SLC25A14: variants seen among roughly 807,000 people sequenced by gnomAD.
SLC25A14 encodes solute carrier family 25 member 14.
In SLC25A14, 8 loss-of-function variants were observed where a neutral mutation model predicts 28.1. The observed-to-expected ratio is 0.28, with a 90% CI of 0.17 to 0.51. The LOEUF is 0.51. Among genes scored for constraint, SLC25A14 ranks in the 20% least tolerant of loss-of-function variants. The probability of loss-of-function intolerance (pLI) is 0.97; values close to 1 mark genes in which losing one functional copy is unlikely to be tolerated. For missense variants in SLC25A14, 135 were observed against 263.8 expected (o/e 0.51, Z 3.38); for synonymous variants, 74 against 90.6 (o/e 0.82, Z 1.04).
Position 130,346,592 on chromosome X carries a change from A to G in SLC25A14, c.218A>G (p.Gln73Arg). Reference protein sequence around the residue: ...LTKTRLQVQGQSIDARFKEIK... With the variant: ...LTKTRLQVQGRSIDARFKEIK... ...AAAACACGACTTCAGGTTCAAGGCCAAAGCATTGATGCCCGTTTCAAAGAG... is the reference window on the plus strand; with the variant it reads ...AAAACACGACTTCAGGTTCAAGGCCGAAGCATTGATGCCCGTTTCAAAGAG... The change falls in exon 4 of 11, where the codon CAA becomes CGA. Residue 73 changes from glutamine (Q) to arginine (R), a missense_variant. Coordinates refer to ENST00000545805, the MANE Select transcript of SLC25A14 (RefSeq NM_001282195.2). The G allele has an allele frequency of 8.3e-7, 1 of 1,207,328 alleles. No individual in the cohort carries two copies. Among genetic ancestry groups the G allele is most frequent in the Non-Finnish European group, 1.1e-6 (1 of 891,255 alleles).
intron 7 of SLC25A14, among the ~76,000 whole-genome samples, chrX:130,360,104 A>T (rs1288558109): frequency 2.3e-5 from 2 of 86,908 alleles, no homozygotes; most frequent in Non-Finnish European, 4.4e-5. Flanking sequence ...ACAGGGTCTC[A>T]CTTTGTTGCC....
Position 130,340,202 on chromosome X carries a change from T to G in SLC25A14, c.-77T>G. On this transcript the variant is annotated 5_prime_UTR_variant, in exon 2 of 11. Transcript: ENST00000545805. Reference sequence around the variant, plus strand: ...TCGACCCCCCTGGGAGGCCGCCTTCTTCAGGCGCCTCCCTTCTCTCCACGA... The same window carrying G: ...TCGACCCCCCTGGGAGGCCGCCTTCGTCAGGCGCCTCCCTTCTCTCCACGA... 1 of 1,192,123 alleles carries G rather than the reference T, an allele frequency of 8.4e-7. No individual in the cohort carries two copies. The highest frequency in any genetic ancestry group is 1.1e-6 in the Non-Finnish European group (1 of 887,239).
chrX:130,369,420 G>A (rs1352718698), intron 9 of SLC25A14, among the ~76,000 whole-genome samples: 4 of 112,481 alleles, frequency 3.6e-5, no homozygotes, highest in African/African-American at 1.3e-4. Context: ...GTGACACAAT[G>A]GTGAACAAAC....
At chrX:130,355,423 CAT>C (rs1314188537) in intron 6 of SLC25A14, among the ~76,000 whole-genome samples, 2 of 112,012 alleles carry the variant, frequency 1.8e-5, no homozygotes, top group African/African-American at 3.2e-5. Context: ...TAGAAAATAA[CAT>C]AGTACAGTGA....
chrX:130,339,970 C>G lies in SLC25A14; in HGVS notation c.-179C>G, dbSNP rs1424945340. On this transcript the variant is annotated 5_prime_UTR_variant, in exon 1 of 11. Transcript: ENST00000545805. Reference sequence around the variant, plus strand: ...CAGCTTCCCAGTCGTCCGATGAGCCCGAGCAGGTGAGGGGGAGCTCCTGGA... The same window carrying G: ...CAGCTTCCCAGTCGTCCGATGAGCCGGAGCAGGTGAGGGGGAGCTCCTGGA... 6 of 880,047 alleles carry G rather than the reference C, an allele frequency of 6.8e-6. No homozygotes were observed. The highest frequency in any genetic ancestry group is 6.9e-6 in the Non-Finnish European group (5 of 721,153). 72.5% of individuals were successfully genotyped at this position (880,047 alleles called of 1,213,427 possible).
chrX:130,353,888 C>T (rs2033696459), intron 6 of SLC25A14, among the ~76,000 whole-genome samples: 1 of 111,782 alleles, frequency 8.9e-6, no homozygotes, highest in Admixed American at 9.5e-5. Flanking sequence ...CTTACTTAAC[C>T]TATTTTGACT....
chrX:130,357,540 T>C (rs1181235157), intron 6 of SLC25A14, among the ~76,000 whole-genome samples: 1 of 112,409 alleles, frequency 8.9e-6, no homozygotes, highest in Non-Finnish European at 1.9e-5. Flanking sequence ...AGTTTTCATT[T>C]GTCTTTGTGA....
At chrX:130,355,679 T>C (rs1419968390) in intron 6 of SLC25A14, among the ~76,000 whole-genome samples, 1 of 112,369 alleles carries the variant, frequency 8.9e-6, no homozygotes, top group Non-Finnish European at 1.9e-5. Context: ...GACTGTCTTA[T>C]ATTTTACAGT....
chrX:130,372,418 T>C (rs5977250), intron 10 of SLC25A14, among the ~76,000 whole-genome samples: 46,091 of 109,720 alleles, frequency 0.42, 7,097 homozygotes, highest in Middle Eastern at 0.45. Context: ...AGGCACTCAA[T>C]GCATGCTTGA....
rs934900943 is a variant in SLC25A14, at chrX:130,339,951, C to T, written c.-198C>T. 1.3e-5 allele frequency: 11 copies of T among 849,228 alleles called. No individual in the cohort carries two copies. Among genetic ancestry groups the T allele is most frequent in the African/African-American group, 8.6e-5 (4 of 46,595 alleles). 70.0% of individuals were successfully genotyped at this position (849,228 alleles called of 1,213,427 possible). Reference sequence around the variant, plus strand: ...TTTCCGACTGTGGGAGCCTCAGCTTCCCAGTCGTCCGATGAGCCCGAGCAG... The same window carrying T: ...TTTCCGACTGTGGGAGCCTCAGCTTTCCAGTCGTCCGATGAGCCCGAGCAG... On this transcript the variant is annotated 5_prime_UTR_variant, in exon 1 of 11. Coordinates refer to ENST00000545805, the MANE Select transcript of SLC25A14 (RefSeq NM_001282195.2).
chrX:130,340,899 T>A (rs2033237864), intron 2 of SLC25A14, among the ~76,000 whole-genome samples: 1 of 107,822 alleles, frequency 9.3e-6, no homozygotes, highest in Admixed American at 1.0e-4. Context: ...CACCCCTTGG[T>A]TTCAAGCCTT....
intron 6 of SLC25A14, among the ~76,000 whole-genome samples, chrX:130,352,587 T>A (rs896219321): frequency 2.7e-5 from 3 of 112,040 alleles, no homozygotes; most frequent in Non-Finnish European, 5.6e-5. Context: ...CATCTGTTGT[T>A]TTTACTTTTT....
At position 130,365,687 on chromosome X, in the gene SLC25A14, T is replaced by C. The variant is rs1314891783; in HGVS notation, c.855+11T>C. 6 of 1,181,239 alleles carry C rather than the reference T, an allele frequency of 5.1e-6. No individual in the cohort carries two copies. In the African/African-American group the frequency reaches 1.1e-4, roughly 21 times the overall value. ...GATGGTATTTTAAAGGTAAGTACAT[T>C]GTGGATTTGGGTTACAATTTGGCTT... On this transcript the variant is annotated intron_variant, in intron 9 of 10. Coordinates refer to ENST00000545805, the MANE Select transcript of SLC25A14 (RefSeq NM_001282195.2).
intron 2 of SLC25A14, among the ~76,000 whole-genome samples, chrX:130,344,912 A>C (rs2033381508): frequency 9.0e-6 from 1 of 111,312 alleles, no homozygotes. Context: ...GTGGGGATGA[A>C]TATAACATTA....
At chrX:130,360,600 A>G (rs188598847) in intron 7 of SLC25A14, among the ~76,000 whole-genome samples, 46 of 112,010 alleles carry the variant, frequency 4.1e-4, no homozygotes, top group Non-Finnish European at 5.3e-4. Context: ...GCATCCATTA[A>G]TGGTCCTTGA....
At chrX:130,368,480 T>C (rs2034178665) in intron 9 of SLC25A14, among the ~76,000 whole-genome samples, 1 of 112,257 alleles carries the variant, frequency 8.9e-6, no homozygotes, top group East Asian at 2.8e-4. Flanking sequence ...TAAACCAAAA[T>C]GTCCCTGTGT....
At chrX:130,344,309 T>G (rs1261450927) in intron 2 of SLC25A14, among the ~76,000 whole-genome samples, 1 of 111,326 alleles carries the variant, frequency 9.0e-6, no homozygotes, top group Non-Finnish European at 1.9e-5. Context: ...TGCTAAAATT[T>G]GCAAAACCTA....
chrX:130,365,293 A>G, intron 8 of SLC25A14: 1 of 932,292 alleles, frequency 1.1e-6, no homozygotes. Context: ...CTACTTAGGA[A>G]TCTTGTTAGG....
chrX:130,355,179 A>G (rs1456003234), intron 6 of SLC25A14, among the ~76,000 whole-genome samples: 1 of 111,950 alleles, frequency 8.9e-6, no homozygotes, highest in Non-Finnish European at 1.9e-5. Flanking sequence ...GTGATTGTCT[A>G]TAGTTATTGG....
Sources: allele counts gnomAD v4.1 joint callset (sites outside exome capture counted in the v4.1 genomes callset), GRCh38; gene constraint gnomAD v4.1.1; transcripts MANE v1.5; gene names NCBI Gene and HGNC (gene_info 2026-07-23, HGNC 2026-07-21).